The following MGMT variants were observed in gnomAD, a reference collection of about 807,000 sequenced individuals.
MGMT encodes methylated-DNA--protein-cysteine methyltransferase.
In MGMT, 14 loss-of-function variants were observed where a neutral mutation model predicts 15.9. That is an observed-to-expected ratio of 0.88 (90% CI 0.58 to 1.37). The LOEUF (loss-of-function observed/expected upper bound fraction) is 1.37, where lower values mean the gene tolerates loss of function less well. Among genes scored for constraint, MGMT ranks in the 40% most tolerant of loss-of-function variants. The pLI, the probability that MGMT is intolerant of heterozygous loss-of-function variation, is 0.00. For synonymous variants in MGMT, 130 were observed against 118.2 expected (o/e 1.10, Z -0.65); for missense variants, 282 against 268.1 (o/e 1.05, Z -0.36).
Position 129,712,356 on chromosome 10 carries a change from T to C in MGMT, c.274+4313T>C, listed in dbSNP as rs1012521996. 2.0e-5 allele frequency among the ~76,000 whole-genome samples: 3 copies of C among 152,246 alleles called. No homozygotes were observed. The South Asian group carries it at 6.2e-4, about 31-fold the overall frequency. ...GCAATGTTCCCTTTTAAATGAAATATTTAACACTTTAATAATTCCTTCGTC... is the reference window on the plus strand; with the variant it reads ...GCAATGTTCCCTTTTAAATGAAATACTTAACACTTTAATAATTCCTTCGTC... On this transcript the variant is annotated intron_variant, in intron 3 of 4. Transcript: ENST00000651593.
chr10:129,632,471 CG>C (rs34172947), intron 2 of MGMT, among the ~76,000 whole-genome samples: 40,605 of 152,074 alleles, frequency 0.27, 5,661 homozygotes, highest in African/African-American at 0.28. Flanking sequence ...TTCGCCAGTA[CG>C]GGGCAAAAGC....
At chr10:129,618,651 A>G (rs1847056149) in intron 2 of MGMT, among the ~76,000 whole-genome samples, 1 of 151,872 alleles carries the variant, frequency 6.6e-6, no homozygotes, top group African/African-American at 2.4e-5. Flanking sequence ...GTTTTCTTTG[A>G]TACATCTCAA....
chr10:129,714,958 G>C (rs1848276852), intron 3 of MGMT, among the ~76,000 whole-genome samples: 1 of 152,140 alleles, frequency 6.6e-6, no homozygotes, highest in Non-Finnish European at 1.5e-5. Flanking sequence ...AGTTAGGTGA[G>C]AGTTTTATCC....
intron 2 of MGMT, among the ~76,000 whole-genome samples, chr10:129,576,397 A>T (rs1234299892): frequency 1.3e-5 from 2 of 152,234 alleles, no homozygotes; most frequent in Non-Finnish European, 1.5e-5. Context: ...AAATCAATAA[A>T]TGTAATCCAG....
At chr10:129,494,185 T>C (rs1246548398) in intron 1 of MGMT, among the ~76,000 whole-genome samples, 1 of 152,238 alleles carries the variant, frequency 6.6e-6, no homozygotes, top group East Asian at 1.9e-4. Context: ...GAGAAATTCT[T>C]AGCCAGCCTC....
At chr10:129,606,854 A>G (rs1208908796) in intron 2 of MGMT, among the ~76,000 whole-genome samples, 3 of 152,402 alleles carry the variant, frequency 2.0e-5, no homozygotes, top group African/African-American at 4.8e-5. Context: ...CCTCATCTCA[A>G]TTTAACTTTC....
intron 2 of MGMT, among the ~76,000 whole-genome samples, chr10:129,547,854 C>T (rs1467033141): frequency 6.6e-6 from 1 of 152,192 alleles, no homozygotes; most frequent in Non-Finnish European, 1.5e-5. Flanking sequence ...AACAGATCTG[C>T]ACTGGTCAGG....
intron 4 of MGMT, 73 bp downstream of exon 4, chr10:129,759,414 C>A: frequency 6.3e-7 from 1 of 1,598,386 alleles, no homozygotes; most frequent in Non-Finnish European, 8.5e-7. Context: ...TCTGATCCCA[C>A]GTGTTTCCTC....
intron 3 of MGMT, among the ~76,000 whole-genome samples, chr10:129,714,088 C>T (rs1228732427): frequency 6.6e-6 from 1 of 152,226 alleles, no homozygotes; most frequent in Non-Finnish European, 1.5e-5. Context: ...CATCCAAAAG[C>T]CTGGTTTCAG....
intron 2 of MGMT, among the ~76,000 whole-genome samples, chr10:129,672,198 C>G (rs546055851): frequency 2.2e-4 from 34 of 152,258 alleles, no homozygotes; most frequent in Non-Finnish European, 4.0e-4. Flanking sequence ...GTCTAGGTTT[C>G]CAGTTATTTT....
chr10:129,468,982 T>C (rs1351090440), intron 1 of MGMT, among the ~76,000 whole-genome samples: 4 of 152,198 alleles, frequency 2.6e-5, no homozygotes, highest in Non-Finnish European at 4.4e-5. Flanking sequence ...TTGAAAGAAA[T>C]AGAGCCCTAG....
intron 2 of MGMT, among the ~76,000 whole-genome samples, chr10:129,592,012 CCT>C (rs1846692741): frequency 6.6e-6 from 1 of 152,176 alleles, no homozygotes; most frequent in Non-Finnish European, 1.5e-5. Context: ...CCCTGGAGCA[CCT>C]CTCTTTTTAG....
chr10:129,707,785 C>T (rs1848182061), intron 2 of MGMT, 110 bp from the exon 3 acceptor site: 6 of 1,430,770 alleles, frequency 4.2e-6, no homozygotes, highest in Middle Eastern at 2.4e-4. Flanking sequence ...CGTGTGTGCC[C>T]ATGAAGCAGC....
chr10:129,618,394 C>T (rs117496892), intron 2 of MGMT, among the ~76,000 whole-genome samples: 4,453 of 152,010 alleles, frequency 0.029, 139 homozygotes, highest in Admixed American at 0.092. Flanking sequence ...AACATGGCCC[C>T]GACTTCATTG....
At chr10:129,478,320 C>T (rs1845318709) in intron 1 of MGMT, among the ~76,000 whole-genome samples, 1 of 152,146 alleles carries the variant, frequency 6.6e-6, no homozygotes, top group Non-Finnish European at 1.5e-5. Context: ...GGTTGGACAC[C>T]AGCTACATCT....
chr10:129,592,135 A>G (rs1846694640), intron 2 of MGMT, among the ~76,000 whole-genome samples: 1 of 152,150 alleles, frequency 6.6e-6, no homozygotes. Flanking sequence ...GGGAGTGGCC[A>G]CTTTTTTCCT....
At chr10:129,672,840 C>T (rs1428019796) in intron 2 of MGMT, among the ~76,000 whole-genome samples, 1 of 152,054 alleles carries the variant, frequency 6.6e-6, no homozygotes, top group South Asian at 2.1e-4. Flanking sequence ...CTTATCTCCT[C>T]ATGGGTCTAG....
intron 1 of MGMT, among the ~76,000 whole-genome samples, chr10:129,490,139 A>G (rs1845454216): frequency 6.6e-6 from 1 of 151,870 alleles, no homozygotes; most frequent in Non-Finnish European, 1.5e-5. Context: ...TCCCTCCAGG[A>G]GGGAAACAAA....
intron 1 of MGMT, among the ~76,000 whole-genome samples, chr10:129,482,958 G>T (rs1242176124): frequency 6.6e-6 from 1 of 152,118 alleles, no homozygotes; most frequent in Non-Finnish European, 1.5e-5. Context: ...TCACCAATTT[G>T]TTCTTTTTGC....
Sources: gnomAD v4.1 joint callset for allele counts (sites outside exome capture counted in the v4.1 genomes callset) on GRCh38, gnomAD v4.1.1 for gene constraint, MANE v1.5 for transcripts, NCBI Gene and HGNC (gene_info 2026-07-23, HGNC 2026-07-21) for gene names.